Variants in TAFA1 observed in about 807,000 individuals in gnomAD.
TAFA1 encodes the protein TAFA chemokine like family member 1, also known as chemokine-like protein TAFA-1.
A neutral mutation model predicts 18.5 loss-of-function variants in TAFA1; 4 were observed. That is an observed-to-expected ratio of 0.22 (90% CI 0.11 to 0.49). TAFA1 has a LOEUF of 0.49. TAFA1 is among the 20% of genes least tolerant of loss of function. The pLI is 0.98. For missense variants in TAFA1, 147 were observed against 169.0 expected (o/e 0.87, Z 0.72); for synonymous variants, 56 against 55.2 (o/e 1.01, Z -0.06).
intron 2 of TAFA1, among the ~76,000 whole-genome samples, chr3:68,060,813 T>C (rs1185368679): frequency 6.6e-6 from 1 of 152,176 alleles, no homozygotes; most frequent in Non-Finnish European, 1.5e-5. Flanking sequence ...CTTCTTTAAA[T>C]GGGCTCATGG....
chr3:68,027,289 C>A (rs981945213), intron 2 of TAFA1, among the ~76,000 whole-genome samples: 29 of 152,072 alleles, frequency 1.9e-4, no homozygotes, highest in African/African-American at 7.0e-4. Flanking sequence ...TTAGACTTTT[C>A]TCCCAATATT....
chr3:68,191,045 C>T (rs745597205), intron 2 of TAFA1, among the ~76,000 whole-genome samples: 4 of 151,658 alleles, frequency 2.6e-5, no homozygotes, highest in African/African-American at 4.8e-5. Flanking sequence ...TATTTGGATT[C>T]AGCTGGTCTT....
At chr3:68,157,331 A>C (rs2065877683) in intron 2 of TAFA1, among the ~76,000 whole-genome samples, 1 of 152,186 alleles carries the variant, frequency 6.6e-6, no homozygotes, top group South Asian at 2.1e-4. Flanking sequence ...CATTGCCAAG[A>C]GATATTAAAA....
At chr3:68,463,045 T>C (rs1430819466) in intron 3 of TAFA1, among the ~76,000 whole-genome samples, 1 of 152,200 alleles carries the variant, frequency 6.6e-6, no homozygotes, top group Non-Finnish European at 1.5e-5. Context: ...ATGTTGTCAC[T>C]CTCTACAGGG....
intron 2 of TAFA1, among the ~76,000 whole-genome samples, chr3:68,334,763 C>G (rs752971463): frequency 6.6e-6 from 1 of 152,048 alleles, no homozygotes; most frequent in Non-Finnish European, 1.5e-5. Flanking sequence ...GTCATTGAGA[C>G]ACATTGATAT....
At position 68,335,847 on chromosome 3, in the gene TAFA1, A is replaced by G. The variant is rs557822572; in HGVS notation, c.119-81433A>G. ...AAAATCTCACGATATTACTGGTGAC[A>G]TAGAAGATTTACTTATGGAAAACTT... On this transcript the variant is annotated intron_variant, in intron 2 of 4. Coordinates refer to ENST00000478136, the MANE Select transcript of TAFA1 (RefSeq NM_213609.4). Among the ~76,000 whole-genome samples the G allele has an allele frequency of 7.9e-5, 12 of 152,346 alleles. No homozygotes were observed. In the East Asian group the frequency reaches 1.5e-3, roughly 20 times the overall value.
At chr3:68,139,175 C>T (rs1375099242) in intron 2 of TAFA1, among the ~76,000 whole-genome samples, 1 of 152,148 alleles carries the variant, frequency 6.6e-6, no homozygotes, top group South Asian at 2.1e-4. Flanking sequence ...TCATTATATA[C>T]ATAATATTTA....
chr3:68,147,673 T>G (rs1277349307), intron 2 of TAFA1, among the ~76,000 whole-genome samples: 2 of 151,732 alleles, frequency 1.3e-5, no homozygotes, highest in Non-Finnish European at 2.9e-5. Flanking sequence ...TCTGAAACAC[T>G]TGAAAGATTT....
chr3:68,334,969 T>C (rs1441256716), intron 2 of TAFA1, among the ~76,000 whole-genome samples: 2 of 152,188 alleles, frequency 1.3e-5, no homozygotes, highest in South Asian at 2.1e-4. Flanking sequence ...TTCAAGGGAA[T>C]AAAGAAATGT....
At chr3:68,149,378 A>T (rs897347546) in intron 2 of TAFA1, among the ~76,000 whole-genome samples, 1 of 152,186 alleles carries the variant, frequency 6.6e-6, no homozygotes, top group African/African-American at 2.4e-5. Context: ...ATACAGGAAT[A>T]CCTGAGACTG....
chr3:68,132,888 C>G (rs1405749401), intron 2 of TAFA1, among the ~76,000 whole-genome samples: 1 of 152,180 alleles, frequency 6.6e-6, no homozygotes, highest in African/African-American at 2.4e-5. Context: ...AATTAGATCC[C>G]ATTTGTCAAT....
chr3:68,124,863 A>C (rs2065445036), intron 2 of TAFA1, among the ~76,000 whole-genome samples: 1 of 152,194 alleles, frequency 6.6e-6, no homozygotes, highest in South Asian at 2.1e-4. Context: ...CTGCTGTCTT[A>C]GAGCTTCTGT....
At chr3:68,084,228 G>C (rs1314274895) in intron 2 of TAFA1, among the ~76,000 whole-genome samples, 1 of 152,186 alleles carries the variant, frequency 6.6e-6, no homozygotes, top group Non-Finnish European at 1.5e-5. Context: ...CTCTTTAGTG[G>C]AGTTGTTATG....
At chr3:68,433,063 C>A (rs190060496) in intron 3 of TAFA1, among the ~76,000 whole-genome samples, 409 of 152,094 alleles carry the variant, frequency 2.7e-3, no homozygotes, top group Non-Finnish European at 4.8e-3. Flanking sequence ...TAGACATCTC[C>A]GTTTGGATTT....
chr3:68,031,085 A>T (rs1012268343), intron 2 of TAFA1, among the ~76,000 whole-genome samples: 21 of 152,144 alleles, frequency 1.4e-4, no homozygotes, highest in African/African-American at 5.1e-4. Flanking sequence ...AAGTTTTGGG[A>T]TTGTTTCCTA....
At chr3:68,106,242 T>C (rs1217081232) in intron 2 of TAFA1, among the ~76,000 whole-genome samples, 1 of 151,922 alleles carries the variant, frequency 6.6e-6, no homozygotes, top group African/African-American at 2.4e-5. Context: ...TTGAAATATA[T>C]AAAATACTAA....
chr3:67,999,550 G>C (rs771997224), upstream of TAFA1, among the ~76,000 whole-genome samples: 4 of 151,960 alleles, frequency 2.6e-5, no homozygotes, highest in Non-Finnish European at 5.9e-5. Flanking sequence ...AACATCTGTA[G>C]ACTTTTTTTA....
At chr3:68,041,665 G>A (rs1025871873) in intron 2 of TAFA1, among the ~76,000 whole-genome samples, 3 of 152,188 alleles carry the variant, frequency 2.0e-5, no homozygotes, top group South Asian at 2.1e-4. Flanking sequence ...GGAGAAGCAG[G>A]ACAGTCAGCC....
At chr3:68,261,378 C>A (rs2067418173) in intron 2 of TAFA1, among the ~76,000 whole-genome samples, 1 of 152,088 alleles carries the variant, frequency 6.6e-6, no homozygotes, top group Middle Eastern at 3.2e-3. Flanking sequence ...GGATCTAGAA[C>A]TAGAAATACC....
Sources: allele counts gnomAD v4.1 joint callset (sites outside exome capture counted in the v4.1 genomes callset), GRCh38; gene constraint gnomAD v4.1.1; transcripts MANE v1.5; gene names NCBI Gene and HGNC (gene_info 2026-07-23, HGNC 2026-07-21).